The following IQCM variants were observed in gnomAD, a reference collection of about 807,000 sequenced individuals.
IQCM encodes IQ motif containing M.
Under a neutral mutation model 57.6 loss-of-function variants are expected in IQCM, and 45 were observed. The observed-to-expected ratio is 0.78, with a 90% CI of 0.62 to 1.00. The LOEUF (loss-of-function observed/expected upper bound fraction) is 1.00. Among genes scored for constraint, IQCM ranks in the 50% least tolerant of loss-of-function variants. The pLI is 0.00. For synonymous variants in IQCM, 148 were observed against 158.9 expected, an observed-to-expected ratio of 0.93 and a Z score of 0.51; for missense variants, 468 against 511.6, an observed-to-expected ratio of 0.91 and a Z score of 0.82.
At chr4:149,667,281 G>A (rs1760816685) in intron 7 of IQCM, among the ~76,000 whole-genome samples, 1 of 152,138 alleles carries the variant, frequency 6.6e-6, no homozygotes, top group Non-Finnish European at 1.5e-5. Flanking sequence ...TGATACCCAG[G>A]CAAACAGGGC....
At chr4:149,693,103 A>G (rs1359291309) in intron 5 of IQCM, among the ~76,000 whole-genome samples, 2 of 152,308 alleles carry the variant, frequency 1.3e-5, no homozygotes, top group East Asian at 3.9e-4. Context: ...GGAATTATTC[A>G]TTCACCTGAG....
intron 2 of IQCM, among the ~76,000 whole-genome samples, chr4:149,764,553 C>T (rs1316734880): frequency 6.6e-6 from 1 of 152,162 alleles, no homozygotes; most frequent in Admixed American, 6.6e-5. Flanking sequence ...CACCGTCTGG[C>T]CCCTCTTTAA....
At chr4:149,472,611 G>GA (rs1739699006) in intron 12 of IQCM, among the ~76,000 whole-genome samples, 1 of 152,030 alleles carries the variant, frequency 6.6e-6, no homozygotes, top group African/African-American at 2.4e-5. Context: ...CACAGAATTG[G>GA]AAAAAACTAC....
chr4:149,781,991 T>C (rs1191664672), intron 2 of IQCM, among the ~76,000 whole-genome samples: 1 of 152,142 alleles, frequency 6.6e-6, no homozygotes, highest in African/African-American at 2.4e-5. Flanking sequence ...AGACAATATT[T>C]TTTTTTTAAT....
intron 13 of IQCM, among the ~76,000 whole-genome samples, chr4:149,428,718 A>T (rs1254643116): frequency 6.6e-6 from 1 of 151,880 alleles, no homozygotes; most frequent in African/African-American, 2.4e-5. Context: ...TCAAGTCTTG[A>T]CTAAAGACAG....
At chr4:149,434,339 T>G (rs1199567788) in intron 12 of IQCM, among the ~76,000 whole-genome samples, 1 of 152,102 alleles carries the variant, frequency 6.6e-6, no homozygotes, top group Non-Finnish European at 1.5e-5. Context: ...TAATTTAAAT[T>G]GCACAGCGAA....
At chr4:149,723,751 G>A (rs1465058910) in intron 5 of IQCM, among the ~76,000 whole-genome samples, 1 of 151,722 alleles carries the variant, frequency 6.6e-6, no homozygotes, top group Non-Finnish European at 1.5e-5. Context: ...TAGTTTTGTT[G>A]TTGTTGTTAT....
intron 7 of IQCM, among the ~76,000 whole-genome samples, chr4:149,630,481 A>G (rs1462384883): frequency 6.6e-6 from 1 of 152,232 alleles, no homozygotes; most frequent in African/African-American, 2.4e-5. Flanking sequence ...ACACCGAGTG[A>G]TAATTTAAAG....
intron 13 of IQCM, among the ~76,000 whole-genome samples, chr4:149,411,013 C>T (rs576435250): frequency 3.7e-4 from 57 of 152,174 alleles, no homozygotes; most frequent in Non-Finnish European, 7.1e-4. Flanking sequence ...TCTTGTGTTT[C>T]TAAAAGCTAA....
At chr4:149,516,618 A>G (rs1744997908) in intron 12 of IQCM, among the ~76,000 whole-genome samples, 1 of 152,160 alleles carries the variant, frequency 6.6e-6, no homozygotes, top group African/African-American at 2.4e-5. Flanking sequence ...AATATATGGC[A>G]CTGTTTCTCC....
intron 6 of IQCM, among the ~76,000 whole-genome samples, chr4:149,685,782 G>T (rs950338396): frequency 2.6e-5 from 4 of 151,474 alleles, no homozygotes; most frequent in South Asian, 4.1e-4. Context: ...GGGCTTAGAG[G>T]TTCTATCTAT....
chr4:149,533,750 GC>G (rs1241133938), intron 12 of IQCM, among the ~76,000 whole-genome samples: 1 of 152,030 alleles, frequency 6.6e-6, no homozygotes, highest in African/African-American at 2.4e-5. Flanking sequence ...GGAGGTAAAT[GC>G]CCCCATGATT....
chr4:149,400,041 A>G (rs1427353433), intron 13 of IQCM, among the ~76,000 whole-genome samples: 15 of 151,982 alleles, frequency 9.9e-5, no homozygotes, highest in Admixed American at 9.9e-4. Context: ...GTAGAAAAGC[A>G]TTATCAATAC....
At position 149,733,475 on chromosome 4, in the gene IQCM, T is replaced by C. The variant is rs1766654023; in HGVS notation, c.154A>G (p.Arg52Gly). The C allele has an allele frequency of 2.4e-6, 3 of 1,228,808 alleles. No homozygotes were observed. The allele number at this position is 1,228,808 out of a possible 1,614,324, so 76.1% of individuals were successfully genotyped here. Residue 52 changes from arginine to glycine, a missense_variant, in exon 5 of 14, where the codon AGA becomes GGA. Physicochemically the swap from Arg to Gly is moderately radical, Grantham distance 125. Transcript: ENST00000636793. ...KVQGTSINVFRKKHQKPKSGK... is the reference protein window; with the variant it reads ...KVQGTSINVFGKKHQKPKSGK... ...GATTTCGGTTTTTGGTGTTTCTTTC[T>C]AAAAACATTTATAGAAGTACCTTGA...
chr4:149,656,531 T>A (rs1428420961), intron 7 of IQCM, among the ~76,000 whole-genome samples: 1 of 152,186 alleles, frequency 6.6e-6, no homozygotes, highest in Non-Finnish European at 1.5e-5. Flanking sequence ...GATTCCTGCA[T>A]GAAATTGAAT....
Position 149,582,327 on chromosome 4 carries a change from T to TC in IQCM, c.749+5602_749+5603insG, listed in dbSNP as rs1752275904. On this transcript the variant is annotated intron_variant, in intron 9 of 13. Transcript: ENST00000636793. Reference sequence around the variant, plus strand: ...GTAGACATATATATATATATATATATATATATATATATATATATATATATA... The same window carrying TC: ...GTAGACATATATATATATATATATATCATATATATATATATATATATATATA... Among the ~76,000 whole-genome samples the TC allele has an allele frequency of 3.1e-4, 4 of 13,002 alleles. No individual in the cohort carries two copies. In the South Asian group the frequency reaches 0.017, roughly 54 times the overall value. 8.5% of individuals were successfully genotyped at this position (13,002 alleles called of 152,430 possible). A position where few individuals can be genotyped will look rare whatever the true frequency, so the allele number is the denominator to read the frequency against.
At chr4:149,496,204 T>G (rs1742642713) in intron 12 of IQCM, among the ~76,000 whole-genome samples, 1 of 152,062 alleles carries the variant, frequency 6.6e-6, no homozygotes. Flanking sequence ...GAATAACAAT[T>G]TTTAGCCCAA....
chr4:149,652,633 G>GA (rs200078231), intron 7 of IQCM, among the ~76,000 whole-genome samples: 22 of 147,182 alleles, frequency 1.5e-4, no homozygotes, highest in South Asian at 2.1e-4. Flanking sequence ...AAGTAGCAAA[G>GA]AAAAAAAAAC....
intron 8 of IQCM, among the ~76,000 whole-genome samples, chr4:149,599,746 A>T (rs1242691107): frequency 6.6e-6 from 1 of 152,142 alleles, no homozygotes; most frequent in Non-Finnish European, 1.5e-5. Flanking sequence ...TATGCTTTGG[A>T]AACTCTAAGA....
Sources: gnomAD v4.1 joint callset for allele counts (sites outside exome capture counted in the v4.1 genomes callset) on GRCh38, gnomAD v4.1.1 for gene constraint, MANE v1.5 for transcripts, NCBI Gene and HGNC (gene_info 2026-07-23, HGNC 2026-07-21) for gene names.